The following ENPP6 variants were observed in gnomAD, a reference collection of about 807,000 sequenced individuals.
The protein encoded by ENPP6 is ectonucleotide pyrophosphatase/phosphodiesterase 6.
Under a neutral mutation model 42.0 loss-of-function variants are expected in ENPP6, and 32 were observed. The observed-to-expected ratio is 0.76, with a 90% CI of 0.58 to 1.02. The LOEUF is 1.02. Among genes scored for constraint, ENPP6 ranks in the 50% least tolerant of loss-of-function variants. ENPP6 has a pLI of 0.00. For missense variants in ENPP6, 552 were observed against 566.8 expected, an observed-to-expected ratio of 0.97 and a Z score of 0.27; for synonymous variants, 213 against 216.0, an observed-to-expected ratio of 0.99 and a Z score of 0.12.
chr4:184,217,651 C>T lies in ENPP6; in HGVS notation c.169G>A (p.Gly57Arg). The change falls in exon 1 of 8, where the codon GGA becomes AGA. Residue 57 changes from glycine to arginine, a missense_variant. Gly to Arg is a moderately radical substitution (Grantham distance 125, BLOSUM62 -2). Coordinates refer to ENST00000296741, the MANE Select transcript of ENPP6 (RefSeq NM_153343.4). ...GGAGTCAAGTAATCCACTTTTACTCCCCTGCTCACAATCTCTTTGAAACCA... is the reference window on the plus strand; with the variant it reads ...GGAGTCAAGTAATCCACTTTTACTCTCCTGCTCACAATCTCTTTGAAACCA... ...LPGFKEIVSR[G>R]VKVDYLTPDF... The T allele has an allele frequency of 1.2e-6, 2 of 1,614,184 alleles. No homozygotes were observed. Among genetic ancestry groups the T allele is most frequent in the East Asian group, 2.2e-5 (1 of 44,882 alleles).
At chr4:184,207,888 C>A (rs566515283) in intron 1 of ENPP6, among the ~76,000 whole-genome samples, 1 of 152,222 alleles carries the variant, frequency 6.6e-6, no homozygotes, top group African/African-American at 2.4e-5. Context: ...CCCCTCTCCA[C>A]CGCCTGCGAG....
rs111325816 is a variant in ENPP6, at chr4:184,215,643, G to A, written c.241+1936C>T. Among the ~76,000 whole-genome samples the A allele has an allele frequency of 8.7e-3, 1,331 of 152,276 alleles. 23 individuals are homozygous for A. Among genetic ancestry groups the A allele is most frequent in the African/African-American group, 0.03 (1,251 of 41,556 alleles). On this transcript the variant is annotated intron_variant, in intron 1 of 7. Coordinates refer to ENST00000296741, the MANE Select transcript of ENPP6 (RefSeq NM_153343.4). ...TTGCTAGATCCCTCCCTTGTGCAGGGTAGCTTCTATGAAACATATAGACCA... is the reference window on the plus strand; with the variant it reads ...TTGCTAGATCCCTCCCTTGTGCAGGATAGCTTCTATGAAACATATAGACCA...
intron 1 of ENPP6, among the ~76,000 whole-genome samples, chr4:184,167,410 T>C (rs1335428348): frequency 2.6e-5 from 4 of 152,114 alleles, no homozygotes. Context: ...GAGTAGAACT[T>C]AGAATGGCCA....
intron 3 of ENPP6, among the ~76,000 whole-genome samples, chr4:184,122,001 C>A (rs766457596): frequency 6.6e-5 from 10 of 152,164 alleles, no homozygotes; most frequent in African/African-American, 2.4e-4. Flanking sequence ...TATCATCCAG[C>A]CTATTATTAT....
intron 4 of ENPP6, 83 bp downstream of exon 4, chr4:184,117,676 G>T: frequency 6.4e-7 from 1 of 1,571,226 alleles, no homozygotes; most frequent in East Asian, 2.3e-5. Context: ...TAAGAGGGAA[G>T]ATGTTGACAG....
chr4:184,171,078 G>A (rs1345024517), intron 1 of ENPP6, among the ~76,000 whole-genome samples: 1 of 152,220 alleles, frequency 6.6e-6, no homozygotes, highest in Non-Finnish European at 1.5e-5. Flanking sequence ...CAATAGTCAT[G>A]TATTCAGCTC....
chr4:184,138,586 A>G (rs1055505115), intron 2 of ENPP6, among the ~76,000 whole-genome samples: 1 of 152,250 alleles, frequency 6.6e-6, no homozygotes, highest in African/African-American at 2.4e-5. Flanking sequence ...TTTCTTACAT[A>G]TAACAGGAAA....
chr4:184,096,323 G>C (rs1377913093), intron 7 of ENPP6, among the ~76,000 whole-genome samples: 1 of 152,188 alleles, frequency 6.6e-6, no homozygotes, highest in Non-Finnish European at 1.5e-5. Context: ...GGCAAACATG[G>C]ACTTTTGTGG....
intron 7 of ENPP6, among the ~76,000 whole-genome samples, chr4:184,093,193 A>G (rs896567641): frequency 1.3e-5 from 2 of 152,338 alleles, no homozygotes; most frequent in African/African-American, 4.8e-5. Context: ...TACCCAGTAA[A>G]TGGTCACTAC....
intron 1 of ENPP6, among the ~76,000 whole-genome samples, chr4:184,183,576 T>A (rs551043280): frequency 3.9e-5 from 6 of 152,314 alleles, no homozygotes; most frequent in Admixed American, 2.6e-4. Flanking sequence ...GTGATCCCAC[T>A]AGGTCAGTGG....
intron 1 of ENPP6, among the ~76,000 whole-genome samples, chr4:184,206,606 C>T (rs948933139): frequency 1.3e-5 from 2 of 152,040 alleles, no homozygotes; most frequent in African/African-American, 2.4e-5. Context: ...TCTCGAAACA[C>T]GATTGTTCAA....
chr4:184,131,641 G>A (rs2111359396), intron 2 of ENPP6, among the ~76,000 whole-genome samples: 1 of 151,888 alleles, frequency 6.6e-6, no homozygotes, highest in South Asian at 2.1e-4. Flanking sequence ...TGGGATCACA[G>A]GTGTGAGCCA....
At chr4:184,105,079 T>C (rs1736066657) in intron 6 of ENPP6, among the ~76,000 whole-genome samples, 1 of 152,220 alleles carries the variant, frequency 6.6e-6, no homozygotes, top group African/African-American at 2.4e-5. Context: ...TTGAAGTTAC[T>C]TGGGCGAGCA....
chr4:184,187,092 C>T (rs560018833), intron 1 of ENPP6, among the ~76,000 whole-genome samples: 2 of 152,126 alleles, frequency 1.3e-5, no homozygotes, highest in East Asian at 1.9e-4. Flanking sequence ...AGAAGCAGGC[C>T]GTAAAATCTC....
intron 7 of ENPP6, among the ~76,000 whole-genome samples, chr4:184,096,348 A>T (rs1335116001): frequency 1.3e-5 from 2 of 152,212 alleles, no homozygotes; most frequent in Admixed American, 6.5e-5. Flanking sequence ...AAACATTTTG[A>T]CCAACATCTA....
chr4:184,172,415 C>T (rs1737484885), intron 1 of ENPP6, among the ~76,000 whole-genome samples: 1 of 152,110 alleles, frequency 6.6e-6, no homozygotes, highest in Admixed American at 6.5e-5. Flanking sequence ...CCATCATCCC[C>T]CAGCACCCAG....
intron 1 of ENPP6, among the ~76,000 whole-genome samples, chr4:184,192,614 A>C (rs1732726031): frequency 6.6e-6 from 1 of 152,228 alleles, no homozygotes; most frequent in African/African-American, 2.4e-5. Flanking sequence ...CATCAACAAT[A>C]AATGCTTTTG....
At chr4:184,181,601 A>C (rs754062404) in intron 1 of ENPP6, among the ~76,000 whole-genome samples, 1 of 152,224 alleles carries the variant, frequency 6.6e-6, no homozygotes, top group Non-Finnish European at 1.5e-5. Flanking sequence ...ATGCTACCTG[A>C]CTTCAAACTA....
intron 6 of ENPP6, among the ~76,000 whole-genome samples, chr4:184,106,149 C>T (rs1736089122): frequency 6.6e-6 from 1 of 152,072 alleles, no homozygotes. Flanking sequence ...ATTCTCCTGC[C>T]TCAGCCTCCC....
Sources: gnomAD v4.1 joint callset for allele counts (sites outside exome capture counted in the v4.1 genomes callset) on GRCh38, gnomAD v4.1.1 for gene constraint, MANE v1.5 for transcripts, NCBI Gene and HGNC (gene_info 2026-07-23, HGNC 2026-07-21) for gene names.